Variants in FAM184A observed in about 807,000 individuals in gnomAD.
FAM184A encodes the protein family with sequence similarity 184 member A.
A neutral mutation model predicts 143.8 loss-of-function variants in FAM184A; 99 were observed. The observed-to-expected ratio is 0.69, with a 90% confidence interval of 0.58 to 0.81. FAM184A has a LOEUF of 0.81. FAM184A is among the 40% of genes least tolerant of loss of function. The probability of loss-of-function intolerance (pLI) is 0.00; values close to 1 mark genes in which losing one functional copy is unlikely to be tolerated. For missense variants in FAM184A, 1,217 were observed against 1,310.5 expected, an observed-to-expected ratio of 0.93 and a Z score of 1.10; for synonymous variants, 427 against 446.4, an observed-to-expected ratio of 0.96 and a Z score of 0.55.
At chr6:118,968,709 G>A (rs1333979582) in intron 14 of FAM184A, among the ~76,000 whole-genome samples, 1 of 152,176 alleles carries the variant, frequency 6.6e-6, no homozygotes, top group African/African-American at 2.4e-5. Flanking sequence ...GGTATAAATG[G>A]TAGCTAAACA....
chr6:119,046,090 C>T (rs1786520633), intron 1 of FAM184A, among the ~76,000 whole-genome samples: 1 of 151,978 alleles, frequency 6.6e-6, no homozygotes, highest in African/African-American at 2.4e-5. Context: ...ATCTTTTTTC[C>T]ATATCTCACC....
chr6:119,030,173 T>C (rs1175069658), intron 1 of FAM184A, among the ~76,000 whole-genome samples: 1 of 152,162 alleles, frequency 6.6e-6, no homozygotes, highest in Non-Finnish European at 1.5e-5. Flanking sequence ...AGGAAAGCCA[T>C]GTTAAATAAG....
At chr6:119,081,570 A>T (rs1238033790), upstream of FAM184A, among the ~76,000 whole-genome samples, 1 of 152,182 alleles carries the variant, frequency 6.6e-6, no homozygotes, top group East Asian at 1.9e-4. Context: ...ACAAGGACAG[A>T]GGGCTTTCTA....
intron 1 of FAM184A, among the ~76,000 whole-genome samples, chr6:119,121,380 G>T (rs1251179977): frequency 6.6e-6 from 1 of 152,054 alleles, no homozygotes; most frequent in Non-Finnish European, 1.5e-5. Context: ...CAAGCAGTCA[G>T]CCCACCTGGG....
At chr6:118,968,755 T>A (rs1783577023) in intron 14 of FAM184A, among the ~76,000 whole-genome samples, 2 of 152,254 alleles carry the variant, frequency 1.3e-5, no homozygotes. Flanking sequence ...CTATTATTTC[T>A]ATTTTTTTGT....
chr6:119,048,484 T>C (rs564639513), intron 1 of FAM184A, among the ~76,000 whole-genome samples: 26 of 152,204 alleles, frequency 1.7e-4, no homozygotes, highest in Admixed American at 1.6e-3. Flanking sequence ...GAAAACCCCA[T>C]AGTCTCGGGC....
chr6:119,012,178 T>TGTGCTAAGGCTTTTTCACA (rs1251452251), intron 5 of FAM184A, among the ~76,000 whole-genome samples: 7 of 152,184 alleles, frequency 4.6e-5, no homozygotes, highest in African/African-American at 1.7e-4. Flanking sequence ...GGAAAAAGCA[T>TGTGCTAAGGCTTTTTCACA]GTGCTAAGGC....
intron 9 of FAM184A, 40 bp from the exon 10 acceptor site, chr6:118,980,390 G>A (rs1359245999): frequency 6.5e-7 from 1 of 1,534,278 alleles, no homozygotes; most frequent in South Asian, 1.1e-5. Flanking sequence ...ATAAATACAA[G>A]GCATAGTTCA....
At chr6:119,053,802 C>A (rs1038777799) in intron 1 of FAM184A, among the ~76,000 whole-genome samples, 1 of 152,158 alleles carries the variant, frequency 6.6e-6, no homozygotes. Context: ...GAATATTATG[C>A]CAACCTGTTT....
At chr6:118,979,763 C>T (rs933817634) in intron 10 of FAM184A, among the ~76,000 whole-genome samples, 3 of 151,958 alleles carry the variant, frequency 2.0e-5, no homozygotes, top group African/African-American at 7.3e-5. Flanking sequence ...ATTGAACAGG[C>T]TGGGCACAGT....
chr6:119,004,657 C>A (rs1784867142), intron 7 of FAM184A, among the ~76,000 whole-genome samples: 1 of 152,190 alleles, frequency 6.6e-6, no homozygotes, highest in African/African-American at 2.4e-5. Flanking sequence ...ACCAAAAAAA[C>A]ACTTGGTCTT....
At chr6:119,005,288 G>A (rs1784886121) in intron 7 of FAM184A, 1 of 152,084 alleles carries the variant, frequency 6.6e-6, no homozygotes, top group South Asian at 2.1e-4. Flanking sequence ...ATAAGGAAAT[G>A]ATTCGAGGAA....
At chr6:118,998,704 G>A (rs1418627871) in intron 9 of FAM184A, among the ~76,000 whole-genome samples, 1 of 152,200 alleles carries the variant, frequency 6.6e-6, no homozygotes, top group Non-Finnish European at 1.5e-5. Flanking sequence ...AAGTCCCCAA[G>A]ATGGGTTCAG....
chr6:119,052,652 TATCTG>T (rs1422428304), intron 1 of FAM184A, among the ~76,000 whole-genome samples: 1 of 152,224 alleles, frequency 6.6e-6, no homozygotes, highest in Admixed American at 6.5e-5. Flanking sequence ...TTCAGAGTTG[TATCTG>T]ATCTGATTCC....
chr6:119,061,531 C>CTTT lies in FAM184A; in HGVS notation c.159+16607_159+16609dup, dbSNP rs977029986. ...CTACCATGCCTGGCTAATTATTTTT[C>CTTT]TTTTTTTTTTTTTTTTTTTTTTTTT... On this transcript the variant is annotated intron_variant, in intron 1 of 17. Transcript: ENST00000338891. Among the ~76,000 whole-genome samples the CTTT allele has an allele frequency of 8.7e-3, 509 of 58,562 alleles. 85 individuals carry two copies. The highest frequency in any genetic ancestry group is 0.028 in the African/African-American group (386 of 13,604). The allele number at this position is 58,562 out of a possible 152,430, so 38.4% of individuals were successfully genotyped here. A position where few individuals can be genotyped will look rare whatever the true frequency, so the allele number is the denominator to read the frequency against.
chr6:119,135,770 G>A (rs562037236), intron 1 of FAM184A, among the ~76,000 whole-genome samples: 129 of 152,218 alleles, frequency 8.5e-4, no homozygotes, highest in South Asian at 2.5e-3. Flanking sequence ...CATACTTCAC[G>A]CAAAAGAAGA....
At chr6:119,007,883 G>C (rs1160855791) in intron 6 of FAM184A, among the ~76,000 whole-genome samples, 2 of 151,984 alleles carry the variant, frequency 1.3e-5, no homozygotes, top group East Asian at 3.9e-4. Flanking sequence ...AGAGGTTGCA[G>C]TGAGCGAGAT....
chr6:118,996,564 A>G (rs1784552393), intron 9 of FAM184A, among the ~76,000 whole-genome samples: 1 of 151,956 alleles, frequency 6.6e-6, no homozygotes, highest in Non-Finnish European at 1.5e-5. Context: ...TACTCCAGCC[A>G]TCTCTTTCCC....
At chr6:119,022,485 T>A in intron 3 of FAM184A, among the ~76,000 whole-genome samples, 1 of 152,224 alleles carries the variant, frequency 6.6e-6, no homozygotes, top group Non-Finnish European at 1.5e-5. Flanking sequence ...GTGTATCTTA[T>A]AAGTAATTAG....
Sources: allele counts gnomAD v4.1 joint callset (sites outside exome capture counted in the v4.1 genomes callset), GRCh38; gene constraint gnomAD v4.1.1; transcripts MANE v1.5; gene names NCBI Gene and HGNC (gene_info 2026-07-23, HGNC 2026-07-21).